POM121C: variants seen among roughly 807,000 people sequenced by gnomAD.
The protein encoded by POM121C is POM121 transmembrane nucleoporin C, also known as nuclear envelope pore membrane protein POM 121C.
POM121C carries 20 observed loss-of-function variants against 66.4 expected under a neutral mutation model. The observed-to-expected ratio is 0.30, with a 90% confidence interval of 0.21 to 0.44. The LOEUF is 0.44. Ranked by LOEUF, POM121C falls within the 20% of genes least tolerant of loss-of-function variation. The pLI is 1.00. For missense variants in POM121C, 580 were observed against 1,225.7 expected (o/e 0.47, Z 7.87); for synonymous variants, 286 against 528.0 (o/e 0.54, Z 6.28).
chr7:75,467,300 G>A (rs1554477974), intron 3 of POM121C, among the ~76,000 whole-genome samples: 1 of 152,150 alleles, frequency 6.6e-6, no homozygotes, highest in Non-Finnish European at 1.5e-5. Flanking sequence ...GGGAGGCTGA[G>A]GTGGGTGGAT....
At chr7:75,428,145 C>CTT (rs1286372414) in intron 7 of POM121C, among the ~76,000 whole-genome samples, 1 of 146,326 alleles carries the variant, frequency 6.8e-6, no homozygotes, top group Non-Finnish European at 1.5e-5. Context: ...ACCTGTGGAA[C>CTT]TTTTTTTTTT....
At chr7:75,433,505 G>A (rs1333018504) in intron 7 of POM121C, among the ~76,000 whole-genome samples, 5 of 151,706 alleles carry the variant, frequency 3.3e-5, no homozygotes, top group Admixed American at 6.6e-5. Flanking sequence ...ACAGGTGCCC[G>A]CCACCACGCC....
chr7:75,452,644 C>A (rs1175046101), intron 3 of POM121C, among the ~76,000 whole-genome samples: 1 of 152,096 alleles, frequency 6.6e-6, no homozygotes, highest in African/African-American at 2.4e-5. Flanking sequence ...CGAAGCTCAT[C>A]TGTAATGGCA....
intron 1 of POM121C, among the ~76,000 whole-genome samples, chr7:75,479,632 T>A (rs1165402420): frequency 5.5e-5 from 8 of 146,288 alleles, no homozygotes; most frequent in African/African-American, 2.1e-4. Flanking sequence ...AATAAATAAA[T>A]AAATAAATAA....
intron 1 of POM121C, among the ~76,000 whole-genome samples, chr7:75,477,969 T>G (rs1346118772): frequency 2.0e-5 from 3 of 152,146 alleles, no homozygotes; most frequent in Non-Finnish European, 4.4e-5. Flanking sequence ...TTTTTGTTTT[T>G]GTTTTTTGTT....
At chr7:75,456,340 G>A (rs1195893118) in intron 3 of POM121C, among the ~76,000 whole-genome samples, 1 of 152,290 alleles carries the variant, frequency 6.6e-6, no homozygotes, top group Non-Finnish European at 1.5e-5. Flanking sequence ...CTGAGGCTAT[G>A]TCAAAACTAG....
At chr7:75,436,699 AT>A (rs1187392402) in intron 7 of POM121C, among the ~76,000 whole-genome samples, 2 of 152,164 alleles carry the variant, frequency 1.3e-5, no homozygotes, top group African/African-American at 4.8e-5. Context: ...ACCCTCAATC[AT>A]TGCAACAGCA....
In POM121C at chr7:75,421,615, G is replaced by C; in HGVS notation, c.2637C>G (p.Thr879=). 6.2e-7 allele frequency: 1 copy of C among 1,613,528 alleles called. No individual in the cohort carries two copies. Among genetic ancestry groups the C allele is most frequent in the South Asian group, 1.1e-5 (1 of 91,046 alleles). The change falls in exon 13 of 15, where the codon ACC becomes ACG. Residue 879 remains threonine (T), a synonymous_variant. Transcript: ENST00000615331. ...AGQSGSTATS[T]PFTGGLGQNA... ...TCTGACCTAAGCCCCCTGTGAAGGG[G>C]GTGGAGGTGGCTGTGCTCCCACTCT...
At chr7:75,463,067 A>C (rs1207842897) in intron 3 of POM121C, among the ~76,000 whole-genome samples, 1 of 152,168 alleles carries the variant, frequency 6.6e-6, no homozygotes, top group Non-Finnish European at 1.5e-5. Context: ...TCACGCCTGT[A>C]ATCCCAGCAC....
chr7:75,452,885 A>C (rs1791072029), intron 3 of POM121C, among the ~76,000 whole-genome samples: 1 of 152,206 alleles, frequency 6.6e-6, no homozygotes, highest in Non-Finnish European at 1.5e-5. Context: ...AGTGTGGCAG[A>C]AACAGTCAGT....
intron 3 of POM121C, chr7:75,442,327 G>A (rs1413461276): frequency 2.1e-6 from 3 of 1,410,650 alleles, no homozygotes; most frequent in Non-Finnish European, 1.8e-6. Flanking sequence ...GCGGCGGCCC[G>A]GGCTTGCCCA....
At chr7:75,483,075 C>T (rs1226301257) in intron 1 of POM121C, among the ~76,000 whole-genome samples, 1 of 151,986 alleles carries the variant, frequency 6.6e-6, no homozygotes, top group Admixed American at 6.6e-5. Context: ...GTCATTCATT[C>T]CCCCCATGAT....
intron 3 of POM121C, among the ~76,000 whole-genome samples, chr7:75,468,126 T>TAAAAAAA (rs368723160): frequency 1.7e-4 from 11 of 64,348 alleles, no homozygotes; most frequent in African/African-American, 3.9e-4. Context: ...AGACTCTGTC[T>TAAAAAAA]AAAAAAAAAA....
In POM121C at chr7:75,422,110, T is replaced by G. The variant is rs782156932; in HGVS notation, c.2142A>C (p.Pro714=). The G allele has an allele frequency of 1.5e-5, 24 of 1,602,000 alleles. No homozygotes were observed. The East Asian group carries it at 4.2e-4, about 28-fold the overall frequency. Residue 714 remains proline (P), a synonymous_variant, in exon 13 of 15, where the codon CCA becomes CCC. Coordinates refer to ENST00000615331, the MANE Select transcript of POM121C (RefSeq NM_001099415.3). ...TAAGGGCTGGCTTGGCGGCCCCCGG[T>G]GGCTGCCCCTCAGCGGCCCCAAATG... ...QPAFGAAEGQ[P]PGAAKPALTP...
At chr7:75,444,257 A>AGGGG (rs782434890) in intron 3 of POM121C, among the ~76,000 whole-genome samples, 1 of 55,178 alleles carries the variant, frequency 1.8e-5, no homozygotes, top group Non-Finnish European at 3.9e-5. Context: ...TGAAAAAAAA[A>AGGGG]GGGGGGGGGG....
chr7:75,421,638 T>A lies in POM121C; in HGVS notation c.2614A>T (p.Ser872Cys). The change falls in exon 13 of 15, where the codon AGT becomes TGT. Residue 872 changes from serine to cysteine, a missense_variant. Coordinates refer to ENST00000615331, the MANE Select transcript of POM121C (RefSeq NM_001099415.3). ...TGAFSFGAGQ[S>C]GSTATSTPFT... Reference sequence around the variant, plus strand: ...GGGGTGGAGGTGGCTGTGCTCCCACTCTGTCCTGCTCCAAAGCTGAAAGCT... The same window carrying A: ...GGGGTGGAGGTGGCTGTGCTCCCACACTGTCCTGCTCCAAAGCTGAAAGCT... 6.2e-7 allele frequency: 1 copy of A among 1,613,462 alleles called. No individual in the cohort carries two copies. The highest frequency in any genetic ancestry group is 8.5e-7 in the Non-Finnish European group (1 of 1,179,806).
intron 7 of POM121C, among the ~76,000 whole-genome samples, chr7:75,430,692 C>T (rs1232152144): frequency 6.6e-6 from 1 of 152,148 alleles, no homozygotes; most frequent in Non-Finnish European, 1.5e-5. Flanking sequence ...GAGCAGGACA[C>T]TTTTGTTGTA....
intron 13 of POM121C, 65 bp downstream of exon 13, chr7:75,421,444 A>G: frequency 6.2e-7 from 1 of 1,606,716 alleles, no homozygotes; most frequent in Non-Finnish European, 8.5e-7. Context: ...CCCCGAGACC[A>G]CAGGCTTCAC....
intron 13 of POM121C, chr7:75,420,358 G>A (rs1342802628): frequency 6.6e-6 from 1 of 152,436 alleles, no homozygotes; most frequent in Non-Finnish European, 1.5e-5. Context: ...CACCCCCTGA[G>A]CTGCATCGGG....
Sources: gnomAD v4.1 joint callset for allele counts (sites outside exome capture counted in the v4.1 genomes callset) on GRCh38, gnomAD v4.1.1 for gene constraint, MANE v1.5 for transcripts, NCBI Gene and HGNC (gene_info 2026-07-23, HGNC 2026-07-21) for gene names.